PPARGC1A: variants seen among roughly 807,000 people sequenced by gnomAD.
PPARGC1A encodes the protein peroxisome proliferator-activated receptor gamma coactivator 1-alpha.
PPARGC1A carries 25 observed loss-of-function variants against 88.7 expected under a neutral mutation model. That is an observed-to-expected ratio of 0.28 (90% CI 0.21 to 0.39). The LOEUF (loss-of-function observed/expected upper bound fraction) is 0.39, where lower values mean the gene tolerates loss of function less well. PPARGC1A is among the 10% of genes least tolerant of loss of function. The pLI is 1.00. For missense variants in PPARGC1A, 880 were observed against 968.7 expected (o/e 0.91, Z 1.22); for synonymous variants, 363 against 355.6 (o/e 1.02, Z -0.24).
the PPARGC1A span, among the ~76,000 whole-genome samples, chr4:24,460,312 G>T: frequency 2.0e-5 from 3 of 151,876 alleles, no homozygotes; most frequent in Non-Finnish European, 2.9e-5. Flanking sequence ...CTTTTCAGCC[G>T]GCGAACTGTT....
the PPARGC1A span, among the ~76,000 whole-genome samples, chr4:24,176,810 G>A: frequency 6.6e-6 from 1 of 152,122 alleles, no homozygotes; most frequent in Non-Finnish European, 1.5e-5. Context: ...TGGGGGTGCA[G>A]GCAAAAACCT....
At chr4:24,138,368 G>A in the PPARGC1A span, among the ~76,000 whole-genome samples, 1 of 152,162 alleles carries the variant, frequency 6.6e-6, no homozygotes, top group Non-Finnish European at 1.5e-5. Context: ...CAGAACCAAA[G>A]GGACAATTGG....
At chr4:24,114,050 GGA>G in the PPARGC1A span, among the ~76,000 whole-genome samples, 1 of 151,050 alleles carries the variant, frequency 6.6e-6, no homozygotes, top group African/African-American at 2.4e-5. Context: ...CTTGAACCCA[GGA>G]GGTGGAGACC....
At chr4:24,325,473 A>G in the PPARGC1A span, among the ~76,000 whole-genome samples, 7 of 152,238 alleles carry the variant, frequency 4.6e-5, no homozygotes, top group East Asian at 1.4e-3. Flanking sequence ...CTCCTCCCCC[A>G]GGAGCTTGCT....
At chr4:24,167,663 C>T in the PPARGC1A span, among the ~76,000 whole-genome samples, 1 of 152,150 alleles carries the variant, frequency 6.6e-6, no homozygotes, top group African/African-American at 2.4e-5. Flanking sequence ...AACATCCGGG[C>T]AAAACCTTCC....
At chr4:24,210,059 T>C in the PPARGC1A span, among the ~76,000 whole-genome samples, 1 of 152,316 alleles carries the variant, frequency 6.6e-6, no homozygotes, top group South Asian at 2.1e-4. Flanking sequence ...ACTAAACACC[T>C]AGCACATAGT....
At chr4:24,081,743 A>AC in the PPARGC1A span, among the ~76,000 whole-genome samples, 1 of 146,436 alleles carries the variant, frequency 6.8e-6, no homozygotes, top group Non-Finnish European at 1.5e-5. Flanking sequence ...TAAGAACACA[A>AC]TTTTTTTTTT....
the PPARGC1A span, among the ~76,000 whole-genome samples, chr4:23,948,327 A>T: frequency 6.6e-6 from 1 of 152,162 alleles, no homozygotes; most frequent in Non-Finnish European, 1.5e-5. Context: ...ATTTGTCTAC[A>T]TGGGAAGAAA....
In PPARGC1A at chr4:23,795,939, C is replaced by G. The variant is rs771743527; in HGVS notation, c.2294-14G>C. ...CTGAGTTTGAATCTGAAAAAAAACA[C>G]AAGCCAGTTTAGATACACACTTTGC... On this transcript the variant is annotated splice_polypyrimidine_tract_variant and intron_variant, in intron 12 of 12. Coordinates refer to ENST00000264867, the MANE Select transcript of PPARGC1A (RefSeq NM_013261.5). The G allele has an allele frequency of 5.7e-6, 9 of 1,592,312 alleles. No homozygotes were observed. Among genetic ancestry groups the G allele is most frequent in the Non-Finnish European group, 7.7e-6 (9 of 1,162,324 alleles).
chr4:24,231,737 C>CT, the PPARGC1A span, among the ~76,000 whole-genome samples: 25 of 149,410 alleles, frequency 1.7e-4, no homozygotes, highest in South Asian at 1.9e-3. Context: ...GGGATATGTG[C>CT]TTTTTTTTTT....
the PPARGC1A span, among the ~76,000 whole-genome samples, chr4:23,936,580 T>C: frequency 6.6e-6 from 1 of 152,028 alleles, no homozygotes; most frequent in Non-Finnish European, 1.5e-5. Flanking sequence ...CTACTAAAAA[T>C]ATAAAATTCA....
At chr4:24,082,794 A>C in the PPARGC1A span, among the ~76,000 whole-genome samples, 10 of 152,098 alleles carry the variant, frequency 6.6e-5, no homozygotes, top group Non-Finnish European at 1.5e-5. Context: ...GAGTTGGAGG[A>C]GGGAAAAACC....
chr4:24,388,360 A>T, the PPARGC1A span, among the ~76,000 whole-genome samples: 2 of 152,232 alleles, frequency 1.3e-5, no homozygotes, highest in African/African-American at 4.8e-5. Flanking sequence ...GAACACTTTT[A>T]CATCGTTGGT....
chr4:24,005,303 A>G, the PPARGC1A span, among the ~76,000 whole-genome samples: 2 of 152,224 alleles, frequency 1.3e-5, no homozygotes, highest in Non-Finnish European at 2.9e-5. Context: ...CTCACAAGTC[A>G]GAGTAAATAG....
At chr4:24,003,133 G>C in the PPARGC1A span, among the ~76,000 whole-genome samples, 1 of 152,072 alleles carries the variant, frequency 6.6e-6, no homozygotes, top group Non-Finnish European at 1.5e-5. Context: ...TTCCAGAAGT[G>C]AAAACTCTAA....
At chr4:24,087,643 C>T in the PPARGC1A span, among the ~76,000 whole-genome samples, 1 of 152,240 alleles carries the variant, frequency 6.6e-6, no homozygotes, top group African/African-American at 2.4e-5. Flanking sequence ...AGTGATCAGG[C>T]TAAGTTTGCC....
the PPARGC1A span, among the ~76,000 whole-genome samples, chr4:24,198,573 GT>G: frequency 6.6e-6 from 1 of 152,118 alleles, no homozygotes; most frequent in Non-Finnish European, 1.5e-5. Context: ...TTTCAGTCAG[GT>G]CCCCCGTTTA....
At chr4:24,034,682 C>T in the PPARGC1A span, among the ~76,000 whole-genome samples, 1 of 152,212 alleles carries the variant, frequency 6.6e-6, no homozygotes, top group East Asian at 1.9e-4. Flanking sequence ...TAATAACATA[C>T]TAGTGTGTCT....
intron 3 of PPARGC1A, 63 bp from the exon 4 acceptor site, chr4:23,829,648 T>A: frequency 6.8e-7 from 1 of 1,469,368 alleles, no homozygotes; most frequent in Non-Finnish European, 9.2e-7. Flanking sequence ...AGCATTGGAA[T>A]AAGTTATTGA....
Sources: gnomAD v4.1 joint callset for allele counts (sites outside exome capture counted in the v4.1 genomes callset) on GRCh38, gnomAD v4.1.1 for gene constraint, MANE v1.5 for transcripts, NCBI Gene and HGNC (gene_info 2026-07-23, HGNC 2026-07-21) for gene names.